EZR: variants seen among roughly 807,000 people sequenced by gnomAD.
The protein encoded by EZR is cytovillin 2.
EZR carries 40 observed loss-of-function variants against 74.8 expected under a neutral mutation model. The ratio of observed to expected loss-of-function variants is 0.53; its 90% CI spans 0.42 to 0.70. The LOEUF (loss-of-function observed/expected upper bound fraction) is 0.70. Ranked by LOEUF, EZR falls within the 30% of genes least tolerant of loss-of-function variation. The probability of loss-of-function intolerance (pLI) is 0.00; values close to 1 mark genes in which losing one functional copy is unlikely to be tolerated. For missense variants in EZR, 678 were observed against 755.8 expected (o/e 0.90, Z 1.21); for synonymous variants, 341 against 283.3 (o/e 1.20, Z -2.05).
At chr6:158,768,783 T>C (rs529302443) in intron 12 of EZR, among the ~76,000 whole-genome samples, 4 of 152,300 alleles carry the variant, frequency 2.6e-5, no homozygotes, top group African/African-American at 7.2e-5. Context: ...ATTGCCCCCA[T>C]TCTACAATGA....
At chr6:158,806,501 A>G (rs1375415173) in intron 2 of EZR, among the ~76,000 whole-genome samples, 2 of 145,744 alleles carry the variant, frequency 1.4e-5, no homozygotes, top group Admixed American at 6.8e-5. Flanking sequence ...TTTTGCTGGC[A>G]TATTTTAAGG....
chr6:158,809,562 T>C (rs1777410489), intron 2 of EZR, among the ~76,000 whole-genome samples: 1 of 152,216 alleles, frequency 6.6e-6, no homozygotes, highest in Admixed American at 6.5e-5. Flanking sequence ...TCCTCAGTAG[T>C]TTCTGAGTCC....
intron 12 of EZR, 52 bp downstream of exon 12, chr6:158,769,274 A>C: frequency 2.0e-6 from 3 of 1,537,772 alleles, no homozygotes; most frequent in Non-Finnish European, 2.7e-6. Context: ...ACCGCAGGCA[A>C]TTGGGCAACA....
rs1562492849 is a variant in EZR at position 158,776,518 on chromosome 6, G to C, written c.699-14C>G. On this transcript the variant is annotated splice_polypyrimidine_tract_variant and intron_variant, in intron 7 of 13. Transcript: ENST00000367075. ...TTTGGGGTTAACCTGAGGTTAAAAA[G>C]AAGAAGTGGATGGTTAGATGTATAC... is the stretch of plus-strand genomic sequence containing the variant. 1.3e-6 allele frequency: 2 copies of C among 1,582,246 alleles called. No homozygotes were observed. The highest frequency in any genetic ancestry group is 1.1e-5 in the South Asian group (1 of 89,072).
chr6:158,801,687 C>T (rs1384140412), intron 2 of EZR, among the ~76,000 whole-genome samples: 1 of 152,202 alleles, frequency 6.6e-6, no homozygotes, highest in East Asian at 1.9e-4. Flanking sequence ...AGTGTTGGAA[C>T]TCACAAGAGT....
intron 2 of EZR, among the ~76,000 whole-genome samples, chr6:158,806,259 C>T (rs1203586743): frequency 6.6e-6 from 1 of 152,132 alleles, no homozygotes; most frequent in East Asian, 1.9e-4. Context: ...GGGGACCTGC[C>T]CTCGCCCTGA....
chr6:158,777,258 C>T (rs897885341), intron 7 of EZR, among the ~76,000 whole-genome samples: 1 of 152,228 alleles, frequency 6.6e-6, no homozygotes, highest in Non-Finnish European at 1.5e-5. Flanking sequence ...CATTCTGCTC[C>T]TCTGGTTCTC....
intron 11 of EZR, 139 bp downstream of exon 11, chr6:158,769,645 C>T (rs2128564529): frequency 7.6e-7 from 1 of 1,313,374 alleles, no homozygotes; most frequent in Middle Eastern, 2.0e-4. Flanking sequence ...GCCCCTTCCC[C>T]ACCAGCTGCC....
chr6:158,803,073 C>T (rs1777222567), intron 2 of EZR, among the ~76,000 whole-genome samples: 1 of 152,046 alleles, frequency 6.6e-6, no homozygotes, highest in South Asian at 2.1e-4. Context: ...GTTCTCCTTA[C>T]TACTTCCTCC....
At chr6:158,818,821 G>T (rs1777625877) in intron 1 of EZR, among the ~76,000 whole-genome samples, 1 of 150,338 alleles carries the variant, frequency 6.7e-6, no homozygotes, top group Non-Finnish European at 1.5e-5. Flanking sequence ...CGACAGGGAG[G>T]GGTCAGGGGA....
intron 2 of EZR, among the ~76,000 whole-genome samples, chr6:158,796,702 T>C (rs1410044380): frequency 6.6e-6 from 1 of 152,354 alleles, no homozygotes; most frequent in East Asian, 1.9e-4. Flanking sequence ...GGTGGGGTTT[T>C]CTGTTTCTTC....
Position 158,766,189 on chromosome 6 carries a change from TCCC to T in EZR, c.*722_*724del, listed in dbSNP as rs1471075269. The T allele has an allele frequency of 1.3e-5, 2 of 152,558 alleles. No individual in the cohort carries two copies. The highest frequency in any genetic ancestry group is 2.9e-5 in the Non-Finnish European group (2 of 68,046). The allele number at this position is 152,558 out of a possible 1,614,324, so 9.5% of individuals were successfully genotyped here. ...TAACAAAATATACAGAACAAAACTTTCCCTTTTTAAAACTAATGTTACAAATCT... is the reference window on the plus strand; with the variant it reads ...TAACAAAATATACAGAACAAAACTTTTTTTTAAAACTAATGTTACAAATCT... On this transcript the variant is annotated 3_prime_UTR_variant, in exon 14 of 14. Transcript: ENST00000367075.
intron 2 of EZR, among the ~76,000 whole-genome samples, chr6:158,801,055 G>A (rs969458811): frequency 3.5e-4 from 54 of 152,132 alleles, no homozygotes; most frequent in African/African-American, 1.3e-3. Context: ...AGATCACTTG[G>A]GCCTAGGAGG....
rs773776825 is a variant in EZR, at chr6:158,789,282, A to G, written c.96+6T>C. 5.6e-6 allele frequency: 9 copies of G among 1,612,592 alleles called. No individual in the cohort carries two copies. In the African/African-American group the frequency reaches 1.2e-4, roughly 22 times the overall value. On this transcript the variant is annotated splice_donor_region_variant and intron_variant, in intron 3 of 13. Coordinates refer to ENST00000367075, the MANE Select transcript of EZR (RefSeq NM_001111077.2). ...GTGGAGTTAACTCTCAAGTTCAGAG[A>G]CCAACCTGATCAAAAAGCTGTTTTC...
At chr6:158,801,585 A>C (rs1448932281) in intron 2 of EZR, among the ~76,000 whole-genome samples, 1 of 152,222 alleles carries the variant, frequency 6.6e-6, no homozygotes, top group African/African-American at 2.4e-5. Context: ...CTAGTTATAA[A>C]ACTCATTCTG....
chr6:158,785,595 A>G lies in EZR; in HGVS notation c.193-12T>C. 1 of 1,612,004 alleles carries G rather than the reference A, an allele frequency of 6.2e-7. No individual in the cohort carries two copies. Among genetic ancestry groups the G allele is most frequent in the Non-Finnish European group, 8.5e-7 (1 of 1,178,222 alleles). ...TCCTGGGCAGACACCTGCACGAAACAAGCCACACTCTCCACACAAATCCGG... is the reference window on the plus strand; with the variant it reads ...TCCTGGGCAGACACCTGCACGAAACGAGCCACACTCTCCACACAAATCCGG... On this transcript the variant is annotated splice_polypyrimidine_tract_variant and intron_variant, in intron 4 of 13. Coordinates refer to ENST00000367075, the MANE Select transcript of EZR (RefSeq NM_001111077.2).
At chr6:158,786,486 T>C (rs991711871) in intron 4 of EZR, among the ~76,000 whole-genome samples, 3 of 152,228 alleles carry the variant, frequency 2.0e-5, no homozygotes, top group African/African-American at 4.8e-5. Context: ...CTATCAATCC[T>C]GGAGAACTCA....
intron 2 of EZR, among the ~76,000 whole-genome samples, chr6:158,807,171 C>CA: frequency 6.6e-6 from 1 of 152,066 alleles, no homozygotes; most frequent in East Asian, 1.9e-4. Flanking sequence ...AAAAATTAGC[C>CA]GAGTGTGATG....
intron 2 of EZR, among the ~76,000 whole-genome samples, chr6:158,789,711 A>T (rs1248812229): frequency 1.3e-5 from 2 of 152,220 alleles, no homozygotes; most frequent in African/African-American, 4.8e-5. Flanking sequence ...ATGATCTCCC[A>T]GGCTCACACG....
Sources: allele counts gnomAD v4.1 joint callset (sites outside exome capture counted in the v4.1 genomes callset), GRCh38; gene constraint gnomAD v4.1.1; transcripts MANE v1.5; gene names NCBI Gene and HGNC (gene_info 2026-07-23, HGNC 2026-07-21).